Variants in GRIN2A observed in about 807,000 individuals in gnomAD.
The protein encoded by GRIN2A is glutamate receptor ionotropic, NMDA 2A.
Under a neutral mutation model 113.4 loss-of-function variants are expected in GRIN2A, and 22 were observed. The ratio of observed to expected loss-of-function variants is 0.19; its 90% CI spans 0.14 to 0.28. GRIN2A has a LOEUF of 0.28. GRIN2A is among the 10% of genes least tolerant of loss of function. GRIN2A has a pLI of 1.00. For missense variants in GRIN2A, 1,502 were observed against 1,887.0 expected (o/e 0.80, Z 3.78); for synonymous variants, 827 against 738.4 (o/e 1.12, Z -1.94).
In GRIN2A at chr16:9,759,022, C is replaced by G. The variant is rs1220292741; in HGVS notation, c.*4127G>C. ...CTACTATAGCCATGGTTAATACAAACAGGCTCCATTTCAGAAACAACGCAT... is the reference window on the plus strand; with the variant it reads ...CTACTATAGCCATGGTTAATACAAAGAGGCTCCATTTCAGAAACAACGCAT... On this transcript the variant is annotated 3_prime_UTR_variant, in exon 13 of 13. Coordinates refer to ENST00000330684, the MANE Select transcript of GRIN2A (RefSeq NM_001134407.3). 4 of 221,342 alleles carry G rather than the reference C, an allele frequency of 1.8e-5. No individual in the cohort carries two copies. The highest frequency in any genetic ancestry group is 5.8e-5 in the Admixed American group (1 of 17,378). The allele number at this position is 221,342 out of a possible 1,614,324, so 13.7% of individuals were successfully genotyped here.
intron 2 of GRIN2A, among the ~76,000 whole-genome samples, chr16:10,003,140 C>T (rs2046349576): frequency 6.6e-6 from 1 of 152,150 alleles, no homozygotes; most frequent in Non-Finnish European, 1.5e-5. Context: ...TTCTTAGAGG[C>T]CTCCATCTGT....
chr16:9,938,333 C>G lies in GRIN2A; in HGVS notation c.633G>C (p.Glu211Asp), dbSNP rs771580780. 6.2e-7 allele frequency: 1 copy of G among 1,613,856 alleles called. No homozygotes were observed. The highest frequency in any genetic ancestry group is 1.3e-5 in the African/African-American group (1 of 74,912). The change falls in exon 3 of 13, where the codon GAG becomes GAC. Residue 211 changes from glutamate to aspartate, a missense_variant. This residue lies in a region of GRIN2A where 334 missense variants were observed against 403.0 expected (regional missense o/e 0.83). Transcript: ENST00000330684. ...QNVITLDTSFEDAKTQVQLKK... is the reference protein window; with the variant it reads ...QNVITLDTSFDDAKTQVQLKK... ...TCAGCTGGACTTGTGTCTTTGCATCCTCAAAGGAAGTGTCCAGTGTGATCA... is the reference window on the plus strand; with the variant it reads ...TCAGCTGGACTTGTGTCTTTGCATCGTCAAAGGAAGTGTCCAGTGTGATCA...
At chr16:10,035,124 C>T (rs2141938801) in intron 2 of GRIN2A, among the ~76,000 whole-genome samples, 1 of 152,250 alleles carries the variant, frequency 6.6e-6, no homozygotes, top group South Asian at 2.1e-4. Context: ...CTCTTGGGCT[C>T]CAGTGAACCT....
At chr16:9,877,324 A>G (rs1436180218) in intron 4 of GRIN2A, among the ~76,000 whole-genome samples, 2 of 152,152 alleles carry the variant, frequency 1.3e-5, no homozygotes, top group Non-Finnish European at 2.9e-5. Context: ...ACTACAGTCA[A>G]TCTCCTTCCT....
chr16:9,886,700 A>G (rs560415946), intron 4 of GRIN2A, among the ~76,000 whole-genome samples: 56 of 152,280 alleles, frequency 3.7e-4, no homozygotes, highest in African/African-American at 1.2e-3. Context: ...TTTGTTGAAT[A>G]AAAAAATGAA....
intron 2 of GRIN2A, among the ~76,000 whole-genome samples, chr16:10,095,700 A>G (rs1023895084): frequency 2.0e-5 from 3 of 152,202 alleles, no homozygotes; most frequent in Non-Finnish European, 2.9e-5. Context: ...AGAACTCCCT[A>G]CAAGTTACTT....
intron 2 of GRIN2A, among the ~76,000 whole-genome samples, chr16:10,071,669 G>A (rs945888133): frequency 3.9e-5 from 6 of 152,098 alleles, no homozygotes; most frequent in Non-Finnish European, 8.8e-5. Flanking sequence ...TAAATGAAAG[G>A]GATGTACTGA....
intron 2 of GRIN2A, among the ~76,000 whole-genome samples, chr16:9,968,977 C>G (rs538004203): frequency 6.6e-6 from 1 of 152,224 alleles, no homozygotes; most frequent in Admixed American, 6.5e-5. Context: ...TTATTCAACT[C>G]ACTATATTAT....
chr16:9,899,847 T>C (rs1483784615), intron 3 of GRIN2A, among the ~76,000 whole-genome samples: 1 of 152,196 alleles, frequency 6.6e-6, no homozygotes, highest in Non-Finnish European at 1.5e-5. Flanking sequence ...ACTAAATATT[T>C]GATTCCAGTA....
chr16:9,779,822 G>A (rs1289001070), intron 11 of GRIN2A, among the ~76,000 whole-genome samples: 1 of 152,184 alleles, frequency 6.6e-6, no homozygotes, highest in Admixed American at 6.5e-5. Flanking sequence ...CACCAGATGG[G>A]GTGAGACAGT....
At chr16:9,793,609 C>A (rs542500427) in intron 11 of GRIN2A, among the ~76,000 whole-genome samples, 1 of 152,090 alleles carries the variant, frequency 6.6e-6, no homozygotes. Context: ...CTTCTGTGAA[C>A]CCTGGCCCAT....
Position 9,757,761 on chromosome 16 carries a change from G to C in GRIN2A, c.*5388C>G. The C allele has an allele frequency of 4.6e-6, 1 of 218,482 alleles. No individual in the cohort carries two copies. 13.5% of individuals were successfully genotyped at this position (218,482 alleles called of 1,614,324 possible). ...CCTGTTGATTTTTCCTAAGGAGACG[G>C]TCTCTGAGAAAAGTTTTCTCTTCTA... On this transcript the variant is annotated 3_prime_UTR_variant, in exon 13 of 13. Transcript: ENST00000330684.
intron 2 of GRIN2A, chr16:10,112,217 G>T (rs997067035): frequency 1.3e-5 from 8 of 599,854 alleles, no homozygotes; most frequent in Non-Finnish European, 2.2e-5. Flanking sequence ...AAGGGAACTC[G>T]GTGTATCAAA....
intron 4 of GRIN2A, among the ~76,000 whole-genome samples, chr16:9,875,054 C>T (rs575528161): frequency 1.2e-4 from 17 of 143,202 alleles, no homozygotes; most frequent in Admixed American, 2.1e-4. Context: ...GGGAGTGCAG[C>T]GGCATGAACA....
At chr16:9,937,085 A>G (rs941030998) in intron 3 of GRIN2A, among the ~76,000 whole-genome samples, 1 of 152,180 alleles carries the variant, frequency 6.6e-6, no homozygotes, top group African/African-American at 2.4e-5. Flanking sequence ...CAAAATCCCT[A>G]AATTAAATGT....
chr16:10,121,328 C>T (rs185980479), intron 2 of GRIN2A: 118 of 152,328 alleles, frequency 7.7e-4, no homozygotes, highest in African/African-American at 2.8e-3. Flanking sequence ...AGTCACCTAC[C>T]TTGTTTGGGG....
At chr16:9,862,786 G>C (rs534842212) in intron 4 of GRIN2A, among the ~76,000 whole-genome samples, 24 of 152,148 alleles carry the variant, frequency 1.6e-4, no homozygotes, top group African/African-American at 4.6e-4. Context: ...TGAAAAATCA[G>C]CAAAAATAAA....
rs77850767 is a variant in GRIN2A, at chr16:9,818,632, A to G, written c.2168+3632T>C. On this transcript the variant is annotated intron_variant, in intron 10 of 12. Coordinates refer to ENST00000330684, the MANE Select transcript of GRIN2A (RefSeq NM_001134407.3). Reference sequence around the variant, plus strand: ...CAATAGAAATATTAATAAAAGTAAAAAAGGAATTGCCGATGGCTCTTAAGT... The same window carrying G: ...CAATAGAAATATTAATAAAAGTAAAGAAGGAATTGCCGATGGCTCTTAAGT... 5.6e-3 allele frequency among the ~76,000 whole-genome samples: 856 copies of G among 152,334 alleles called. 5 individuals are homozygous for G. Among genetic ancestry groups the G allele is most frequent in the African/African-American group, 0.02 (824 of 41,588 alleles).
chr16:10,118,995 T>G (rs908943735), intron 2 of GRIN2A, among the ~76,000 whole-genome samples: 1 of 152,186 alleles, frequency 6.6e-6, no homozygotes, highest in Non-Finnish European at 1.5e-5. Flanking sequence ...TTTAGGGGAC[T>G]GGAAGAGCCA....
Sources: gnomAD v4.1 joint callset for allele counts (sites outside exome capture counted in the v4.1 genomes callset) on GRCh38, gnomAD v4.1.1 for gene constraint, gnomAD v4.1.1 regional missense constraint, MANE v1.5 for transcripts, NCBI Gene and HGNC (gene_info 2026-07-23, HGNC 2026-07-21) for gene names.